Variants in DDX31 observed in about 807,000 individuals in gnomAD.
DDX31 encodes the protein DEAD-box helicase 31.
In DDX31, 70 loss-of-function variants were observed where a neutral mutation model predicts 91.3. The observed-to-expected ratio is 0.77, with a 90% CI of 0.63 to 0.94. DDX31 has a LOEUF of 0.94. Ranked by LOEUF, DDX31 falls within the 40% of genes least tolerant of loss-of-function variation. The probability of loss-of-function intolerance (pLI) is 0.00; values close to 1 mark genes in which losing one functional copy is unlikely to be tolerated. For synonymous variants in DDX31, 362 were observed against 350.6 expected, an observed-to-expected ratio of 1.03 and a Z score of -0.36; for missense variants, 902 against 925.0, an observed-to-expected ratio of 0.98 and a Z score of 0.32.
At chr9:132,663,575 A>AAT (rs1835123196) in intron 1 of DDX31, 1 of 966,002 alleles carries the variant, frequency 1.0e-6, no homozygotes, top group African/African-American at 1.8e-5. Context: ...TTTACAAATG[A>AAT]ATATAAAAGC....
chr9:132,614,739 A>G (rs1438786199), intron 18 of DDX31, among the ~76,000 whole-genome samples: 1 of 152,126 alleles, frequency 6.6e-6, no homozygotes, highest in African/African-American at 2.4e-5. Context: ...TGCCCAGCTA[A>G]CAGCTTTACA....
At position 132,648,171 on chromosome 9, in the gene DDX31, C is replaced by A; in HGVS notation, c.967+18G>T. 6.3e-7 allele frequency: 1 copy of A among 1,587,276 alleles called. No individual in the cohort carries two copies. Among genetic ancestry groups the A allele is most frequent in the Non-Finnish European group, 8.6e-7 (1 of 1,161,816 alleles). On this transcript the variant is annotated intron_variant, in intron 11 of 19. Coordinates refer to ENST00000372159, the MANE Select transcript of DDX31 (RefSeq NM_022779.9). ...TCATTAAGAACAAAGAAGGACCCAT[C>A]ACTTCTTTTCAACTCACCTTCTGTG...
chr9:132,649,487 T>C (rs2130783574), intron 9 of DDX31, among the ~76,000 whole-genome samples: 1 of 152,308 alleles, frequency 6.6e-6, no homozygotes, highest in South Asian at 2.1e-4. Flanking sequence ...CAGAAAGAGC[T>C]TGGTCCCCGA....
chr9:132,647,145 A>C, intron 11 of DDX31, 87 bp from the exon 12 acceptor site: 1 of 1,226,380 alleles, frequency 8.2e-7, no homozygotes, highest in Non-Finnish European at 1.2e-6. Flanking sequence ...GCACCCACCC[A>C]TGTATGTTAG....
chr9:132,602,205 G>A (rs549394391), intron 19 of DDX31, among the ~76,000 whole-genome samples: 27 of 152,356 alleles, frequency 1.8e-4, no homozygotes, highest in African/African-American at 5.8e-4. Flanking sequence ...GTCCATGAAT[G>A]GACAGCCCTG....
chr9:132,639,611 G>C (rs1275693414), intron 14 of DDX31, among the ~76,000 whole-genome samples: 1 of 152,210 alleles, frequency 6.6e-6, no homozygotes, highest in Non-Finnish European at 1.5e-5. Context: ...GTATGCTTTT[G>C]ACCTGAGAAT....
intron 14 of DDX31, among the ~76,000 whole-genome samples, chr9:132,632,419 A>G (rs562003308): frequency 1.4e-4 from 22 of 152,268 alleles, no homozygotes; most frequent in African/African-American, 4.8e-4. Context: ...ACCCTTTGCT[A>G]AAAGAATCCA....
intron 4 of DDX31, chr9:132,660,980 C>A (rs899218673): frequency 1.6e-5 from 8 of 513,548 alleles, no homozygotes; most frequent in Non-Finnish European, 2.4e-5. Context: ...CTGGATGAGA[C>A]GTCTCTTGCG....
intron 19 of DDX31, among the ~76,000 whole-genome samples, chr9:132,611,327 C>T (rs1411741899): frequency 6.6e-6 from 1 of 152,178 alleles, no homozygotes; most frequent in Non-Finnish European, 1.5e-5. Context: ...ACCATCCGCC[C>T]CAAAGTTCTG....
chr9:132,659,846 T>C, intron 4 of DDX31, 66 bp from the exon 5 acceptor site: 1 of 1,511,816 alleles, frequency 6.6e-7, no homozygotes. Context: ...AGACGCAGGA[T>C]ACATAAAAGG....
chr9:132,620,491 CAGGATAGAACT>C (rs1831958055), intron 17 of DDX31, among the ~76,000 whole-genome samples: 1 of 139,268 alleles, frequency 7.2e-6, no homozygotes, highest in African/African-American at 2.7e-5. Context: ...AAAAAAAAAA[CAGGATAGAACT>C]AGGTTCACAG....
Position 132,669,880 on chromosome 9 carries a change from G to A in DDX31, c.55C>T (p.Pro19Ser). ...FDNPRTFSRR[P>S]PAQASRQAKA... ...CTCACCCGACTCGCCTGGGCTGGGG[G>A]ACGTCTGGAGAACGTCCTGGGGTTG... Residue 19 changes from proline (P) to serine (S), a missense_variant, in exon 1 of 20, where the codon CCC becomes TCC. Transcript: ENST00000372159. 3 of 1,593,270 alleles carry A rather than the reference G, an allele frequency of 1.9e-6. No individual in the cohort carries two copies. Among genetic ancestry groups the A allele is most frequent in the Non-Finnish European group, 1.7e-6 (2 of 1,171,062 alleles).
At chr9:132,626,062 A>C (rs1230255671) in intron 16 of DDX31, among the ~76,000 whole-genome samples, 1 of 151,896 alleles carries the variant, frequency 6.6e-6, no homozygotes, top group African/African-American at 2.4e-5. Flanking sequence ...GTGCCCACTC[A>C]CTGATCCACT....
chr9:132,658,548 A>C (rs1834725979), intron 6 of DDX31, 123 bp downstream of exon 6: 1 of 847,558 alleles, frequency 1.2e-6, no homozygotes, highest in Non-Finnish European at 1.9e-6. Flanking sequence ...AATAAATTAA[A>C]AGGAGGTGAA....
At chr9:132,622,575 G>A (rs548569357) in intron 17 of DDX31, among the ~76,000 whole-genome samples, 1 of 152,324 alleles carries the variant, frequency 6.6e-6, no homozygotes, top group African/African-American at 2.4e-5. Flanking sequence ...GAAATGATCT[G>A]CACTCGGGGA....
intron 13 of DDX31, among the ~76,000 whole-genome samples, chr9:132,642,591 G>A (rs543803581): frequency 6.0e-4 from 91 of 150,586 alleles, no homozygotes; most frequent in South Asian, 5.7e-3. Context: ...ACACCTTGAC[G>A]TTTCCCGAGT....
chr9:132,665,050 C>T (rs1345175575), intron 1 of DDX31, among the ~76,000 whole-genome samples: 2 of 152,114 alleles, frequency 1.3e-5, no homozygotes, highest in Admixed American at 6.5e-5. Context: ...CCATAGCATT[C>T]GACAAAATAA....
intron 19 of DDX31, among the ~76,000 whole-genome samples, chr9:132,609,276 TCAG>T (rs1831193089): frequency 6.6e-6 from 1 of 152,188 alleles, no homozygotes; most frequent in Non-Finnish European, 1.5e-5. Flanking sequence ...ATGCTCTTTA[TCAG>T]CTAATCAGCC....
Position 132,659,780 on chromosome 9 carries a change from A to C in DDX31, c.453T>G (p.Ser151Arg), listed in dbSNP as rs750830487. Reference sequence around the variant, plus strand: ...ACACAGGAATACTTTGCTTCTGAACACTGGGCCACCCGAAAAAAAGAACAC... The same window carrying C: ...ACACAGGAATACTTTGCTTCTGAACCCTGGGCCACCCGAAAAAAAGAACAC... ...NTVLKMSSMTSVQKQSIPVLL... is the reference protein window; with the variant it reads ...NTVLKMSSMTRVQKQSIPVLL... The change falls in exon 5 of 20, where the codon AGT becomes AGG. Residue 151 changes from serine to arginine, a missense_variant and splice_region_variant. Transcript: ENST00000372159. 2 of 1,613,024 alleles carry C rather than the reference A, an allele frequency of 1.2e-6. No homozygotes were observed. Among genetic ancestry groups the C allele is most frequent in the Admixed American group, 3.3e-5 (2 of 59,890 alleles).
Sources: gnomAD v4.1 joint callset for allele counts (sites outside exome capture counted in the v4.1 genomes callset) on GRCh38, gnomAD v4.1.1 for gene constraint, MANE v1.5 for transcripts, NCBI Gene and HGNC (gene_info 2026-07-23, HGNC 2026-07-21) for gene names.